The following SUPT7L variants were observed in gnomAD, a reference collection of about 807,000 sequenced individuals.
SUPT7L encodes the protein SPT7 like, STAGA complex subunit gamma.
SUPT7L carries 15 observed loss-of-function variants against 35.7 expected under a neutral mutation model. The observed-to-expected ratio is 0.42, with a 90% CI of 0.28 to 0.65. The LOEUF (loss-of-function observed/expected upper bound fraction) is 0.65. Among genes scored for constraint, SUPT7L ranks in the 30% least tolerant of loss-of-function variants. SUPT7L has a pLI of 0.23. For missense variants in SUPT7L, 434 were observed against 522.2 expected, an observed-to-expected ratio of 0.83 and a Z score of 1.65; for synonymous variants, 168 against 186.2, an observed-to-expected ratio of 0.90 and a Z score of 0.79.
intron 5 of SUPT7L, among the ~76,000 whole-genome samples, chr2:27,654,487 C>T (rs1204223909): frequency 1.3e-5 from 2 of 152,184 alleles, no homozygotes; most frequent in Non-Finnish European, 2.9e-5. Context: ...ACCTAACTGA[C>T]ACGTAACCAG....
intron 5 of SUPT7L, 44 bp from the exon 6 acceptor site, chr2:27,653,791 T>C (rs374770207): frequency 8.7e-6 from 14 of 1,609,564 alleles, no homozygotes; most frequent in Non-Finnish European, 1.2e-5. Flanking sequence ...TGTATATGTG[T>C]AGCCAAGTGT....
At chr2:27,644,723 GTTT>G in the SUPT7L span, among the ~76,000 whole-genome samples, 1 of 101,740 alleles carries the variant, frequency 9.8e-6, no homozygotes, top group African/African-American at 3.9e-5. Flanking sequence ...TTTTGGTAGT[GTTT>G]TTTTTTTTTT....
At position 27,655,600 on chromosome 2, in the gene SUPT7L, A is replaced by G; in HGVS notation, c.747T>C (p.Ile249=). 1.3e-6 allele frequency: 2 copies of G among 1,574,148 alleles called. No homozygotes were observed. Among genetic ancestry groups the G allele is most frequent in the East Asian group, 2.3e-5 (1 of 43,830 alleles). Reference sequence around the variant, plus strand: ...CATATTCTTCAGAGAGTTGCTTACTAATCTGTTGGCAAGCAAGAGTCAATT... The same window carrying G: ...CATATTCTTCAGAGAGTTGCTTACTGATCTGTTGGCAAGCAAGAGTCAATT... ...IKDYHSYMLQ[I]SKQLSEEYER... Residue 249 remains isoleucine (I), a splice_region_variant and synonymous_variant, in exon 5 of 6, where the codon ATT becomes ATC. Transcript: ENST00000337768.
At chr2:27,644,111 G>A in the SUPT7L span, among the ~76,000 whole-genome samples, 1 of 152,292 alleles carries the variant, frequency 6.6e-6, no homozygotes, top group Non-Finnish European at 1.5e-5. Flanking sequence ...GGAGGCAGAA[G>A]TTGCAGTGAG....
downstream of SUPT7L, chr2:27,648,084 A>G: frequency 1.6e-6 from 1 of 625,428 alleles, no homozygotes; most frequent in Non-Finnish European, 2.9e-6. Flanking sequence ...TCCTATATTG[A>G]GAGTTCCTGT....
At position 27,653,184 on chromosome 2, in the gene SUPT7L, T is replaced by A; in HGVS notation, c.*301A>T. 2.6e-6 allele frequency: 1 copy of A among 381,938 alleles called. No homozygotes were observed. The highest frequency in any genetic ancestry group is 4.9e-6 in the Non-Finnish European group (1 of 205,738). 23.7% of individuals were successfully genotyped at this position (381,938 alleles called of 1,614,324 possible). On this transcript the variant is annotated 3_prime_UTR_variant, in exon 6 of 6. Transcript: ENST00000337768. ...ATTCTTCTCAGTTGTACAAGATAAA[T>A]GGCTGTATAACATGTCTAGTCATAG...
chr2:27,646,572 C>A (rs967739217), downstream of SUPT7L, among the ~76,000 whole-genome samples: 13 of 152,020 alleles, frequency 8.6e-5, no homozygotes, highest in African/African-American at 3.1e-4. Context: ...CCACCTTCCA[C>A]CCCCACCCCT....
intron 4 of SUPT7L, 53 bp from the exon 5 acceptor site, chr2:27,655,655 T>A: frequency 6.8e-7 from 1 of 1,480,616 alleles, no homozygotes; most frequent in Non-Finnish European, 9.1e-7. Flanking sequence ...GCAAGTTGGA[T>A]AGTCAGCTTG....
rs1167281584 is a variant in SUPT7L at position 27,657,248 on chromosome 2, C to T, written c.744+97G>A. ...GTTAAGTTCACTCTGTTCCAAGACT[C>T]TGTGCTCTGCACTCTAGACCAAGTG... is the stretch of plus-strand genomic sequence containing the variant. On this transcript the variant is annotated intron_variant, in intron 4 of 5. Transcript: ENST00000337768. This position sits in a 1 kb window ranked among gnomAD's most constrained non-coding sequence, Gnocchi z 5.2. The T allele has an allele frequency of 7.5e-7, 1 of 1,331,868 alleles. No homozygotes were observed. Among genetic ancestry groups the T allele is most frequent in the Non-Finnish European group, 1.0e-6 (1 of 968,888 alleles). 82.5% of individuals were successfully genotyped at this position (1,331,868 alleles called of 1,614,324 possible).
intron 3 of SUPT7L, 112 bp downstream of exon 3, chr2:27,660,872 T>G: frequency 7.2e-7 from 1 of 1,381,064 alleles, no homozygotes; most frequent in South Asian, 1.6e-5. Flanking sequence ...GCCAAGTCAA[T>G]TACTCTTATC....
At chr2:27,647,705 A>G, downstream of SUPT7L, 1 of 613,504 alleles carries the variant, frequency 1.6e-6, no homozygotes, top group Non-Finnish European at 3.0e-6. Flanking sequence ...CAATACATTT[A>G]GAAGAGGTAA....
chr2:27,657,196 A>G lies in SUPT7L; in HGVS notation c.744+149T>C. On this transcript the variant is annotated intron_variant, in intron 4 of 5. Coordinates refer to ENST00000337768, the MANE Select transcript of SUPT7L (RefSeq NM_014860.3). This position sits in a 1 kb window ranked among gnomAD's most constrained non-coding sequence, Gnocchi z 5.2. ...GGAGACCCATGGTATTTGGCCAGGA[A>G]CATCGCTAGGGCCATCATAAAAGTA... 2 of 858,358 alleles carry G rather than the reference A, an allele frequency of 2.3e-6. No individual in the cohort carries two copies. Among genetic ancestry groups the G allele is most frequent in the South Asian group, 1.8e-5 (1 of 54,624 alleles). 53.2% of individuals were successfully genotyped at this position (858,358 alleles called of 1,614,324 possible).
intron 5 of SUPT7L, 151 bp downstream of exon 5, chr2:27,655,214 T>C: frequency 3.3e-6 from 2 of 609,856 alleles, no homozygotes; most frequent in Non-Finnish European, 5.6e-6. Flanking sequence ...CTGGGATCTC[T>C]AGATAGGTGA....
downstream of SUPT7L, among the ~76,000 whole-genome samples, chr2:27,649,680 A>G (rs1429718415): frequency 6.6e-6 from 1 of 151,816 alleles, no homozygotes; most frequent in African/African-American, 2.4e-5. Flanking sequence ...TAGTCTCTCC[A>G]TGTTGTTGCA....
chr2:27,643,770 G>T, the SUPT7L span, among the ~76,000 whole-genome samples: 1 of 152,122 alleles, frequency 6.6e-6, no homozygotes, highest in Non-Finnish European at 1.5e-5. This position sits in a 1 kb window ranked among gnomAD's most constrained non-coding sequence, Gnocchi z 4.0. Flanking sequence ...TTTTTGAATT[G>T]TGTTTTTTCA....
rs372067175 is a variant in SUPT7L, at chr2:27,653,344, G to A, written c.*141C>T. 6.0e-5 allele frequency: 74 copies of A among 1,230,256 alleles called. No individual in the cohort carries two copies. The East Asian group carries it at 1.0e-3, about 17-fold the overall frequency. The allele number at this position is 1,230,256 out of a possible 1,614,324, so 76.2% of individuals were successfully genotyped here. A position where few individuals can be genotyped will look rare whatever the true frequency, so the allele number is the denominator to read the frequency against. On this transcript the variant is annotated 3_prime_UTR_variant, in exon 6 of 6. Coordinates refer to ENST00000337768, the MANE Select transcript of SUPT7L (RefSeq NM_014860.3). ...GTAAAATGCAACCTTGTTTGGTGAC[G>A]TCCAGTTCCTCTGGAATTAGGAAAA...
rs746556308 is a variant in SUPT7L, at chr2:27,657,718, A to C, written c.420-49T>G. The C allele has an allele frequency of 1.6e-5, 24 of 1,518,708 alleles. No individual in the cohort carries two copies. Among genetic ancestry groups the C allele is most frequent in the Middle Eastern group, 2.1e-4 (1 of 4,666 alleles). The allele number at this position is 1,518,708 out of a possible 1,614,324, so 94.1% of individuals were successfully genotyped here. ...TTATTAATGTTCTTGCAAAGGGGTGACCCCTCCTGTCTTCCCCAGGAGTTT... is the reference window on the plus strand; with the variant it reads ...TTATTAATGTTCTTGCAAAGGGGTGCCCCCTCCTGTCTTCCCCAGGAGTTT... On this transcript the variant is annotated intron_variant, in intron 3 of 5. Coordinates refer to ENST00000337768, the MANE Select transcript of SUPT7L (RefSeq NM_014860.3). This position sits in a 1 kb window ranked among gnomAD's most constrained non-coding sequence, Gnocchi z 5.2.
rs1674649605 is a variant in SUPT7L, at chr2:27,653,467, C to T, written c.*18G>A. 1 of 1,608,998 alleles carries T rather than the reference C, an allele frequency of 6.2e-7. No homozygotes were observed. Among genetic ancestry groups the T allele is most frequent in the South Asian group, 1.1e-5 (1 of 90,984 alleles). ...TTGGGTCTAGTAGGTCTGGACAAAA[C>T]ATCTCCCTCTTTTCCTTTTATATTT... On this transcript the variant is annotated 3_prime_UTR_variant, in exon 6 of 6. Coordinates refer to ENST00000337768, the MANE Select transcript of SUPT7L (RefSeq NM_014860.3).
Position 27,653,564 on chromosome 2 carries a change from C to G in SUPT7L, c.1166G>C (p.Gly389Ala), listed in dbSNP as rs754931262. ...QSPDDSDSSY[G>A]SHSTDSLMGS... is the part of the protein sequence containing the mutation. ...CATGAGGCTGTCAGTGGAGTGGGAACCATAGCTGCTATCTGAGTCATCAGG... is the reference window on the plus strand; with the variant it reads ...CATGAGGCTGTCAGTGGAGTGGGAAGCATAGCTGCTATCTGAGTCATCAGG... The change falls in exon 6 of 6, where the codon GGT (glycine) becomes GCT (alanine). Residue 389 changes from glycine to alanine, a missense_variant. Physicochemically the swap from Gly to Ala is moderately conservative, Grantham distance 60 (BLOSUM62 0). Around this residue, in one of 3 missense-constraint regions of SUPT7L, gnomAD observed 159 missense variants for 217.1 expected, o/e 0.73. Coordinates refer to ENST00000337768, the MANE Select transcript of SUPT7L (RefSeq NM_014860.3). 3 of 1,614,046 alleles carry G rather than the reference C, an allele frequency of 1.9e-6. No homozygotes were observed. The highest frequency in any genetic ancestry group is 2.7e-5 in the African/African-American group (2 of 74,902).
Sources: allele counts gnomAD v4.1 joint callset (sites outside exome capture counted in the v4.1 genomes callset), GRCh38; gene constraint gnomAD v4.1.1; regional missense constraint gnomAD v4.1.1; non-coding constraint Gnocchi (gnomAD v3.1); transcripts MANE v1.5; gene names NCBI Gene and HGNC (gene_info 2026-07-23, HGNC 2026-07-21).